ZNF814: variants seen among roughly 807,000 people sequenced by gnomAD.
The protein encoded by ZNF814 is zinc finger protein 814.
ZNF814 carries 5 observed loss-of-function variants against 7.5 expected under a neutral mutation model. The ratio of observed to expected loss-of-function variants is 0.67; its 90% CI spans 0.35 to 1.40. The LOEUF is 1.40. ZNF814 is among the 40% of genes most tolerant of loss of function. The pLI, the probability that ZNF814 is intolerant of heterozygous loss-of-function variation, is 0.04. For synonymous variants in ZNF814, 315 were observed against 340.7 expected (o/e 0.92, Z 0.83); for missense variants, 962 against 1,018.0 (o/e 0.94, Z 0.75).
the ZNF814 span, among the ~76,000 whole-genome samples, chr19:57,901,127 C>T: frequency 1.3e-5 from 2 of 150,878 alleles, no homozygotes; most frequent in East Asian, 2.0e-4. Context: ...TGAGCCACCG[C>T]GCCCAGCAGC....
the ZNF814 span, among the ~76,000 whole-genome samples, chr19:57,899,851 C>CTAA: frequency 6.6e-6 from 1 of 152,136 alleles, no homozygotes; most frequent in African/African-American, 2.4e-5. Flanking sequence ...AATTGCTGTA[C>CTAA]TAATAGGACA....
In ZNF814 at chr19:57,883,134, A is replaced by T. The variant is rs143350041; in HGVS notation, c.36+5633T>A. 9.9e-3 allele frequency among the ~76,000 whole-genome samples: 1,427 copies of T among 144,622 alleles called. 28 individuals are homozygous for T. The highest frequency in any genetic ancestry group is 0.034 in the African/African-American group (1,338 of 39,298). 94.9% of individuals were successfully genotyped at this position (144,622 alleles called of 152,430 possible). On this transcript the variant is annotated intron_variant, in intron 1 of 2. Transcript: ENST00000435989. Reference sequence around the variant, plus strand: ...AGCACTTTGGGAGGCCGAGGCGGGCAGATCACAAATTCAGGAGATCGAGAC... The same window carrying T: ...AGCACTTTGGGAGGCCGAGGCGGGCTGATCACAAATTCAGGAGATCGAGAC...
chr19:57,888,868 G>T lies in ZNF814; in HGVS notation c.-66C>A. On this transcript the variant is annotated 5_prime_UTR_variant, in exon 1 of 3. Coordinates refer to ENST00000435989, the MANE Select transcript of ZNF814 (RefSeq NM_001144989.2). ...ACCAGCCAGGAGATATGGGCACGAC[G>T]GTCCGTATCCTGGCCCAGGAGTGGG... 1 of 1,526,392 alleles carries T rather than the reference G, an allele frequency of 6.6e-7. No homozygotes were observed. Among genetic ancestry groups the T allele is most frequent in the Non-Finnish European group, 8.9e-7 (1 of 1,124,658 alleles). 94.6% of individuals were successfully genotyped at this position (1,526,392 alleles called of 1,614,324 possible).
upstream of ZNF814, among the ~76,000 whole-genome samples, chr19:57,892,896 G>A (rs73567801): frequency 0.011 from 1,709 of 152,336 alleles, 31 homozygotes; most frequent in African/African-American, 0.038. Context: ...CATGGTCGGA[G>A]GTTGGATTAA....
At position 57,871,280 on chromosome 19, in the gene ZNF814, T is replaced by C. The variant is rs73068574; in HGVS notation, c.*1542A>G. 1 of 152,312 alleles carries C rather than the reference T, an allele frequency of 6.6e-6. No homozygotes were observed. The highest frequency in any genetic ancestry group is 1.5e-5 in the Non-Finnish European group (1 of 68,024). 9.4% of individuals were successfully genotyped at this position (152,312 alleles called of 1,614,324 possible). A position where few individuals can be genotyped will look rare whatever the true frequency, so the allele number is the denominator to read the frequency against. ...AAATGCCCTGTATCCAGCTGACCTA[T>C]GAACCCACAAATTTTAGTATCCGTG... is the stretch of plus-strand genomic sequence containing the variant. On this transcript the variant is annotated 3_prime_UTR_variant, in exon 3 of 3. Coordinates refer to ENST00000435989, the MANE Select transcript of ZNF814 (RefSeq NM_001144989.2).
At chr19:57,877,886 C>G (rs1455778419) in intron 1 of ZNF814, among the ~76,000 whole-genome samples, 1 of 152,058 alleles carries the variant, frequency 6.6e-6, no homozygotes, top group Non-Finnish European at 1.5e-5. Flanking sequence ...TGTATTGAGC[C>G]AGGCGCGGTG....
chr19:57,902,513 T>G, the ZNF814 span, among the ~76,000 whole-genome samples: 3 of 152,134 alleles, frequency 2.0e-5, no homozygotes, highest in African/African-American at 7.2e-5. Flanking sequence ...TGGCTCAAAG[T>G]TCAATCACAA....
At chr19:57,894,818 A>G in the ZNF814 span, among the ~76,000 whole-genome samples, 2 of 151,390 alleles carry the variant, frequency 1.3e-5, no homozygotes, top group African/African-American at 4.9e-5. Context: ...TGGGCAACAG[A>G]GCGAGACTCC....
In ZNF814 at chr19:57,873,228, C is replaced by G. The variant is rs1415813712; in HGVS notation, c.2162G>C (p.Cys721Ser). 42 of 1,608,248 alleles carry G rather than the reference C, an allele frequency of 2.6e-5. No homozygotes were observed. The highest frequency in any genetic ancestry group is 3.4e-5 in the Non-Finnish European group (40 of 1,177,390). ...NGEKPYACEACQKFFRNKYQL... is the reference protein window; with the variant it reads ...NGEKPYACEASQKFFRNKYQL... ...GTACTTGTTTCTAAAAAATTTCTGA[C>G]AAGCTTCACAAGCATATGGCTTTTC... Residue 721 changes from cysteine (C) to serine (S), a missense_variant, in exon 3 of 3, where the codon TGT (cysteine) becomes TCT (serine). Around this residue, in one of 7 missense-constraint regions of ZNF814, gnomAD observed 665 missense variants for 551.4 expected, o/e 1.21. Coordinates refer to ENST00000435989, the MANE Select transcript of ZNF814 (RefSeq NM_001144989.2).
upstream of ZNF814, among the ~76,000 whole-genome samples, chr19:57,892,780 G>A (rs1013554210): frequency 1.3e-5 from 2 of 152,174 alleles, no homozygotes; most frequent in Non-Finnish European, 2.9e-5. Context: ...TAAGCTCCTG[G>A]CCTTCCCCAC....
At position 57,872,526 on chromosome 19, in the gene ZNF814, G is replaced by A. The variant is rs2071564306; in HGVS notation, c.*296C>T. 5 of 660,210 alleles carry A rather than the reference G, an allele frequency of 7.6e-6. No individual in the cohort carries two copies. The highest frequency in any genetic ancestry group is 1.3e-5 in the Non-Finnish European group (5 of 389,670). 40.9% of individuals were successfully genotyped at this position (660,210 alleles called of 1,614,324 possible). On this transcript the variant is annotated 3_prime_UTR_variant, in exon 3 of 3. Transcript: ENST00000435989. ...TAGTGTGAACTCTCTGATATTCAAG[G>A]AGAAAAGACCTTCAGGTAACTTTTT...
At position 57,872,592 on chromosome 19, in the gene ZNF814, A is replaced by C. The variant is rs759829802; in HGVS notation, c.*230T>G. ...AATCACAAGACCTTACTCCAGTGTG[A>C]ACTCTCCTGTGTTTAATGAGACTGA... On this transcript the variant is annotated 3_prime_UTR_variant, in exon 3 of 3. Transcript: ENST00000435989. 1.2e-5 allele frequency: 14 copies of C among 1,173,564 alleles called. No individual in the cohort carries two copies. The highest frequency in any genetic ancestry group is 1.7e-5 in the Non-Finnish European group (14 of 816,696). 72.7% of individuals were successfully genotyped at this position (1,173,564 alleles called of 1,614,324 possible). A position where few individuals can be genotyped will look rare whatever the true frequency, so the allele number is the denominator to read the frequency against.
chr19:57,873,326 A>C lies in ZNF814; in HGVS notation c.2064T>G (p.Tyr688Ter), dbSNP rs1283057671. Residue 688 changes from tyrosine to a stop codon, truncating the protein, a stop_gained, in exon 3 of 3, where the codon TAT (tyrosine) becomes TAG (stop). Transcript: ENST00000435989. LOFTEE classifies it low-confidence loss of function (END_TRUNC). ...HQHGHTGERP[Y>*]VCRECGKLFK... The stretch of plus-strand genomic sequence containing the variant: ...ATAATTTTCCACATTCCCTACATAC[A>C]TAAGGTCTTTCTCCAGTATGGCCAT... The C allele has an allele frequency of 6.3e-7, 1 of 1,590,942 alleles. No individual in the cohort carries two copies. The highest frequency in any genetic ancestry group is 8.6e-7 in the Non-Finnish European group (1 of 1,168,154).
intron 1 of ZNF814, among the ~76,000 whole-genome samples, chr19:57,886,959 G>A (rs913900978): frequency 5.9e-5 from 9 of 151,804 alleles, no homozygotes; most frequent in Non-Finnish European, 8.8e-5. Flanking sequence ...AGGCTGAGGC[G>A]GGCGGATCAG....
chr19:57,880,499 G>GAAC (rs2071643362), intron 1 of ZNF814, among the ~76,000 whole-genome samples: 3 of 151,592 alleles, frequency 2.0e-5, no homozygotes, highest in Admixed American at 1.3e-4. Context: ...CTAGGGTTTA[G>GAAC]GGTTTCTCTA....
chr19:57,872,959 C>G lies in ZNF814; in HGVS notation c.2431G>C (p.Glu811Gln). 6.2e-7 allele frequency: 1 copy of G among 1,613,384 alleles called. No homozygotes were observed. The highest frequency in any genetic ancestry group is 8.5e-7 in the Non-Finnish European group (1 of 1,179,874). ...TTGTGTTTAGTGAGACTGGAGCTTT[C>G]AGCAAAAGATTTTCCACATTCACTG... is the stretch of plus-strand genomic sequence containing the variant. Reference protein sequence around the residue: ...ECSECGKSFAESSSLTKHKRV... With the variant: ...ECSECGKSFAQSSSLTKHKRV... Residue 811 changes from glutamate (E) to glutamine (Q), a missense_variant, in exon 3 of 3, where the codon GAA (glutamate) becomes CAA (glutamine). Physicochemically the swap from Glu to Gln is conservative, Grantham distance 29. This residue lies in a region of ZNF814 where 665 missense variants were observed against 551.4 expected (regional missense o/e 1.21). Transcript: ENST00000435989.
At chr19:57,901,245 C>G in the ZNF814 span, among the ~76,000 whole-genome samples, 1 of 152,126 alleles carries the variant, frequency 6.6e-6, no homozygotes, top group East Asian at 1.9e-4. Flanking sequence ...CTTAAAAACT[C>G]AGTTACAAAA....
At chr19:57,876,624 A>G (rs2071609236) in intron 2 of ZNF814, 3 of 479,360 alleles carry the variant, frequency 6.3e-6, no homozygotes, top group African/African-American at 3.9e-5. Context: ...GACTGTGGGT[A>G]CACAGGAACC....
chr19:57,884,966 G>T (rs1193124346), intron 1 of ZNF814, among the ~76,000 whole-genome samples: 1 of 152,168 alleles, frequency 6.6e-6, no homozygotes. Context: ...GTTTGCTGCA[G>T]CACTGTTCAC....
Sources: gnomAD v4.1 joint callset for allele counts (sites outside exome capture counted in the v4.1 genomes callset) on GRCh38, gnomAD v4.1.1 for gene constraint, gnomAD v4.1.1 regional missense constraint, MANE v1.5 for transcripts, NCBI Gene and HGNC (gene_info 2026-07-23, HGNC 2026-07-21) for gene names.